WDCP: variants seen among roughly 807,000 people sequenced by gnomAD.
WDCP encodes the protein WD repeat and coiled-coil-containing protein.
A neutral mutation model predicts 41.6 loss-of-function variants in WDCP; 19 were observed. The observed-to-expected ratio is 0.46, with a 90% confidence interval of 0.32 to 0.67. WDCP has a LOEUF of 0.67. WDCP is among the 30% of genes least tolerant of loss of function. WDCP has a pLI of 0.04. For synonymous variants in WDCP, 302 were observed against 320.8 expected (o/e 0.94, Z 0.63); for missense variants, 802 against 850.7 (o/e 0.94, Z 0.71).
chr2:24,032,703 T>G, intron 3 of WDCP, 126 bp downstream of exon 3: 1 of 682,292 alleles, frequency 1.5e-6, no homozygotes, highest in Non-Finnish European at 2.7e-6. Context: ...AATAATAGAT[T>G]ACTTGTTAAC....
chr2:24,042,135 C>T (rs1573666057), intron 1 of WDCP, among the ~76,000 whole-genome samples: 1 of 152,028 alleles, frequency 6.6e-6, no homozygotes, highest in South Asian at 2.1e-4. Flanking sequence ...GGTGTGGCAG[C>T]TCACGCCTGT....
At chr2:24,034,389 C>T (rs1044039218) in intron 2 of WDCP, among the ~76,000 whole-genome samples, 7 of 151,924 alleles carry the variant, frequency 4.6e-5, no homozygotes, top group East Asian at 1.9e-4. Flanking sequence ...CACTGCACTC[C>T]GGCCTGGGTG....
rs1355329358 is a variant in WDCP, at chr2:24,042,948, A to G, written c.-18-3436T>C. Among the ~76,000 whole-genome samples, 9 of 141,812 alleles carry G rather than the reference A, an allele frequency of 6.3e-5. No individual in the cohort carries two copies. The East Asian group carries it at 6.6e-4, about 10-fold the overall frequency. The allele number at this position is 141,812 out of a possible 152,430, so 93.0% of individuals were successfully genotyped here. ...CTCAGGAGGCTGAGGCAGGAGAATC[A>G]CTTGAACCCAGGAGGCGGAGGTTGC... is the stretch of plus-strand genomic sequence containing the variant. On this transcript the variant is annotated intron_variant, in intron 1 of 3. Coordinates refer to ENST00000295148, the MANE Select transcript of WDCP (RefSeq NM_025203.3).
chr2:24,038,134 G>A lies in WDCP; in HGVS notation c.1361C>T (p.Pro454Leu), dbSNP rs771604791. 28 of 1,614,010 alleles carry A rather than the reference G, an allele frequency of 1.7e-5. No individual in the cohort carries two copies. In the Admixed American group the frequency reaches 1.8e-4, roughly 11 times the overall value. Residue 454 changes from proline to leucine, a missense_variant, in exon 2 of 4, where the codon CCG becomes CTG. Physicochemically the swap from Pro to Leu is moderately conservative, Grantham distance 98 (BLOSUM62 -3). Around this residue, in one of 5 missense-constraint regions of WDCP, gnomAD observed 13 missense variants for 31.8 expected, o/e 0.41. Coordinates refer to ENST00000295148, the MANE Select transcript of WDCP (RefSeq NM_025203.3). ...SQTTYSTFSAPLNKANRKKLI... is the reference protein window; with the variant it reads ...SQTTYSTFSALLNKANRKKLI... ...CTTTTTTCTATTTGCTTTATTTAAC[G>A]GAGCACTGAAAGTAGAGTAGGTAGT...
intron 2 of WDCP, among the ~76,000 whole-genome samples, chr2:24,036,883 C>T (rs774343921): frequency 3.3e-5 from 5 of 152,038 alleles, no homozygotes; most frequent in African/African-American, 4.8e-5. Context: ...CTGGTTACAG[C>T]GGATTAAGGG....
At chr2:24,045,842 C>G (rs1663606828) in intron 1 of WDCP, 1 of 152,036 alleles carries the variant, frequency 6.6e-6, no homozygotes, top group Non-Finnish European at 1.5e-5. Flanking sequence ...TGGGTGCTCA[C>G]TTTGGCAGCA....
At position 24,038,150 on chromosome 2, in the gene WDCP, A is replaced by T. The variant is rs746841774; in HGVS notation, c.1345T>A (p.Ser449Thr). 1.4e-5 allele frequency: 23 copies of T among 1,614,238 alleles called. No homozygotes were observed. In the South Asian group the frequency reaches 2.4e-4, roughly 17 times the overall value. ...ITSGESQTTY[S>T]TFSAPLNKAN... ...TTATTTAACGGAGCACTGAAAGTAG[A>T]GTAGGTAGTCTGGCTTTCACCTGAT... is the stretch of plus-strand genomic sequence containing the variant. Residue 449 changes from serine (S) to threonine (T), a missense_variant, in exon 2 of 4, where the codon TCT becomes ACT. Around this residue, in one of 5 missense-constraint regions of WDCP, gnomAD observed 13 missense variants for 31.8 expected, o/e 0.41. Coordinates refer to ENST00000295148, the MANE Select transcript of WDCP (RefSeq NM_025203.3).
At chr2:24,034,812 T>C (rs12621152) in intron 2 of WDCP, among the ~76,000 whole-genome samples, 122,293 of 152,006 alleles carry the variant, frequency 0.8, 49,716 homozygotes, top group East Asian at 0.96. Flanking sequence ...TGGACTCAAG[T>C]GATCTACCCA....
chr2:24,038,465 G>C lies in WDCP; in HGVS notation c.1030C>G (p.Leu344Val). ...VTIPGILVPD[L>V]IAFNLKAHVV... ...TGGGCTTTAAGATTAAATGCTATCA[G>C]ATCAGGAACCAGAATGCCTGGAATA... Residue 344 changes from leucine to valine, a missense_variant, in exon 2 of 4, where the codon CTG becomes GTG. Physicochemically the swap from Leu to Val is conservative, Grantham distance 32. This residue lies in a region of WDCP where 247 missense variants were observed against 240.5 expected (regional missense o/e 1.03). Transcript: ENST00000295148. 6 of 1,614,220 alleles carry C rather than the reference G, an allele frequency of 3.7e-6. No homozygotes were observed. Among genetic ancestry groups the C allele is most frequent in the Middle Eastern group, 1.6e-4 (1 of 6,062 alleles).
chr2:24,031,066 G>C lies in WDCP; in HGVS notation c.2033C>G (p.Ser678Cys), dbSNP rs758827470. 2 of 1,614,176 alleles carry C rather than the reference G, an allele frequency of 1.2e-6. No individual in the cohort carries two copies. The highest frequency in any genetic ancestry group is 2.2e-5 in the South Asian group (2 of 91,084). ...QEIIIRDGSL[S>C]RSDVFRDSFS... ...AGAGTCTCTGAAGACATCTGACCTG[G>C]ACAGGCTGCCATCTCTTATGATTAT... Residue 678 changes from serine (S) to cysteine (C), a missense_variant, in exon 4 of 4, where the codon TCC becomes TGC. Physicochemically the swap from Ser to Cys is moderately radical, Grantham distance 112. Around this residue, in one of 5 missense-constraint regions of WDCP, gnomAD observed 321 missense variants for 305.1 expected, o/e 1.05. Coordinates refer to ENST00000295148, the MANE Select transcript of WDCP (RefSeq NM_025203.3).
intron 2 of WDCP, among the ~76,000 whole-genome samples, chr2:24,034,625 G>A (rs1038160833): frequency 2.0e-5 from 3 of 148,220 alleles, no homozygotes; most frequent in South Asian, 2.1e-4. Context: ...CCAGGCTGGC[G>A]TGCAGTGGCA....
At position 24,030,418 on chromosome 2, in the gene WDCP, G is replaced by A. The variant is rs1406397966; in HGVS notation, c.*515C>T. ...CATCAGAGCCACTTCCTGTTCCTGA[G>A]AGCAGAAGCCAGTGGGTCTCTGGTC... On this transcript the variant is annotated 3_prime_UTR_variant, in exon 4 of 4. Coordinates refer to ENST00000295148, the MANE Select transcript of WDCP (RefSeq NM_025203.3). The A allele has an allele frequency of 6.6e-6, 1 of 152,386 alleles. No homozygotes were observed. Among genetic ancestry groups the A allele is most frequent in the Admixed American group, 6.5e-5 (1 of 15,292 alleles). The allele number at this position is 152,386 out of a possible 1,614,324, so 9.4% of individuals were successfully genotyped here.
chr2:24,039,196 C>G lies in WDCP; in HGVS notation c.299G>C (p.Trp100Ser), dbSNP rs773991300. 1 of 1,614,232 alleles carries G rather than the reference C, an allele frequency of 6.2e-7. No individual in the cohort carries two copies. The highest frequency in any genetic ancestry group is 8.5e-7 in the Non-Finnish European group (1 of 1,180,034). Residue 100 changes from tryptophan to serine, a missense_variant, in exon 2 of 4, where the codon TGG becomes TCG. By Grantham distance (177) the Trp-to-Ser change is radical. Coordinates refer to ENST00000295148, the MANE Select transcript of WDCP (RefSeq NM_025203.3). ...AATCTCACAAGTCTGAGACGTCAGC[C>G]ATTTGCTTGACTCCATAGGGCTGGG... is the stretch of plus-strand genomic sequence containing the variant. ...LCPSPMESSK[W>S]LTSQTCEIRG...
rs1463169886 is a variant in WDCP, at chr2:24,037,808, T to A, written c.1687A>T (p.Ile563Phe). 6.2e-7 allele frequency: 1 copy of A among 1,614,228 alleles called. No individual in the cohort carries two copies. Among genetic ancestry groups the A allele is most frequent in the Admixed American group, 1.7e-5 (1 of 60,018 alleles). Residue 563 changes from isoleucine (I) to phenylalanine (F), a missense_variant, in exon 2 of 4, where the codon ATT (isoleucine) becomes TTT (phenylalanine). By Grantham distance (21) the Ile-to-Phe change is conservative (BLOSUM62 0). Coordinates refer to ENST00000295148, the MANE Select transcript of WDCP (RefSeq NM_025203.3). The stretch of plus-strand genomic sequence containing the variant: ...ATTTCAACCAGGTTCCTAGATAAAA[T>A]TTCCACTTCCTTAGACAGCTGATAA... ...ETYQLSKEVEILSRNLVEMQR... is the reference protein window; with the variant it reads ...ETYQLSKEVEFLSRNLVEMQR...
intron 3 of WDCP, 67 bp downstream of exon 3, chr2:24,032,762 C>A: frequency 1.2e-6 from 1 of 851,304 alleles, no homozygotes; most frequent in Non-Finnish European, 2.0e-6. Flanking sequence ...TCATTACCGG[C>A]ATAGTTAAAA....
In WDCP at chr2:24,044,285, G is replaced by A. The variant is rs577749022; in HGVS notation, c.-19+3029C>T. ...ACTGAGGTTTTTTTTTGGGGGGGGC[G>A]TGGGGGCACAGTCTTGCTCCGTTAC... is the stretch of plus-strand genomic sequence containing the variant. On this transcript the variant is annotated intron_variant, in intron 1 of 3. Transcript: ENST00000295148. Among the ~76,000 whole-genome samples, 19 of 151,428 alleles carry A rather than the reference G, an allele frequency of 1.3e-4. No individual in the cohort carries two copies. The South Asian group carries it at 3.1e-3, about 25-fold the overall frequency.
intron 1 of WDCP, among the ~76,000 whole-genome samples, chr2:24,046,693 C>T (rs768445003): frequency 5.3e-5 from 8 of 152,088 alleles, no homozygotes; most frequent in Non-Finnish European, 1.0e-4. Flanking sequence ...ATTTCAAGTT[C>T]TTTACACTTA....
chr2:24,036,102 A>G (rs1663247580), intron 2 of WDCP, among the ~76,000 whole-genome samples: 1 of 149,896 alleles, frequency 6.7e-6, no homozygotes, highest in South Asian at 2.1e-4. Context: ...ATAAATAAAT[A>G]AATAAAATAA....
At position 24,039,212 on chromosome 2, in the gene WDCP, T is replaced by C; in HGVS notation, c.283A>G (p.Met95Val). Residue 95 changes from methionine (M) to valine (V), a missense_variant, in exon 2 of 4, where the codon ATG (methionine) becomes GTG (valine). Met to Val is a conservative substitution (Grantham distance 21). Coordinates refer to ENST00000295148, the MANE Select transcript of WDCP (RefSeq NM_025203.3). ...GACGTCAGCCATTTGCTTGACTCCA[T>C]AGGGCTGGGACACAGCTGCCACACA... Reference protein sequence around the residue: ...VTVWQLCPSPMESSKWLTSQT... With the variant: ...VTVWQLCPSPVESSKWLTSQT... The C allele has an allele frequency of 3.1e-6, 5 of 1,614,252 alleles. No individual in the cohort carries two copies. Among genetic ancestry groups the C allele is most frequent in the Non-Finnish European group, 4.2e-6 (5 of 1,180,048 alleles).
Sources: gnomAD v4.1 joint callset for allele counts (sites outside exome capture counted in the v4.1 genomes callset) on GRCh38, gnomAD v4.1.1 for gene constraint, gnomAD v4.1.1 regional missense constraint, MANE v1.5 for transcripts, NCBI Gene and HGNC (gene_info 2026-07-23, HGNC 2026-07-21) for gene names.